Variants in UCK2 observed in about 807,000 individuals in gnomAD.
UCK2 encodes cytidine monophosphokinase 2.
Under a neutral mutation model 30.8 loss-of-function variants are expected in UCK2, and 6 were observed. That is an observed-to-expected ratio of 0.19 (90% CI 0.11 to 0.38). The LOEUF is 0.38. Among genes scored for constraint, UCK2 ranks in the 10% least tolerant of loss-of-function variants. The probability of loss-of-function intolerance (pLI) is 1.00; values close to 1 mark genes in which losing one functional copy is unlikely to be tolerated. For missense variants in UCK2, 210 were observed against 339.8 expected, an observed-to-expected ratio of 0.62 and a Z score of 3.00; for synonymous variants, 125 against 133.6, an observed-to-expected ratio of 0.94 and a Z score of 0.45.
At chr1:165,851,181 G>C (rs1309031653) in intron 1 of UCK2, among the ~76,000 whole-genome samples, 4 of 152,218 alleles carry the variant, frequency 2.6e-5, no homozygotes. Context: ...AGTGCACCTG[G>C]GTGTGTCTGA....
At chr1:165,903,389 C>A in intron 5 of UCK2, 110 bp downstream of exon 5, 1 of 873,882 alleles carries the variant, frequency 1.1e-6, no homozygotes, top group Non-Finnish European at 1.8e-6. Context: ...TCACTCCTCT[C>A]TCTGAGTGAT....
intron 5 of UCK2, among the ~76,000 whole-genome samples, chr1:165,904,489 A>C (rs966973877): frequency 1.3e-5 from 2 of 152,344 alleles, no homozygotes; most frequent in Middle Eastern, 3.4e-3. Flanking sequence ...TTTTGACTTA[A>C]TAAGAACACA....
In UCK2 at chr1:165,860,472, G is replaced by A. The variant is rs547759648; in HGVS notation, c.100-29732G>A. On this transcript the variant is annotated intron_variant, in intron 1 of 6. Coordinates refer to ENST00000367879, the MANE Select transcript of UCK2 (RefSeq NM_012474.5). ...GAGACAGGGTCTCACTTTTTGAGAC[G>A]GGCCTCACTCCAGTTGCCCAGGCGG... Among the ~76,000 whole-genome samples the A allele has an allele frequency of 2.6e-5, 4 of 151,802 alleles. No homozygotes were observed. In the East Asian group the frequency reaches 5.8e-4, roughly 22 times the overall value.
chr1:165,863,219 C>G (rs115079374), intron 1 of UCK2, among the ~76,000 whole-genome samples: 1,554 of 152,252 alleles, frequency 0.01, 27 homozygotes, highest in African/African-American at 0.036. Flanking sequence ...GGAAAATTAG[C>G]AAGGCAAAAG....
chr1:165,849,602 A>C (rs536576035), intron 1 of UCK2, among the ~76,000 whole-genome samples: 9 of 152,324 alleles, frequency 5.9e-5, no homozygotes, highest in African/African-American at 2.2e-4. Flanking sequence ...AGTTTTACAC[A>C]ATGCCAGCTT....
intron 1 of UCK2, among the ~76,000 whole-genome samples, chr1:165,846,910 C>T (rs1006951109): frequency 2.0e-5 from 3 of 151,996 alleles, no homozygotes; most frequent in Non-Finnish European, 4.4e-5. Context: ...AGCCTGTATG[C>T]GGGGGCACCT....
Position 165,827,847 on chromosome 1 carries a change from G to C in UCK2, c.14G>C (p.Ser5Thr). MAGD[S>T]EQTLQNHQQP... Reference sequence around the variant, plus strand: ...GCGGCGCGAACCATGGCCGGGGACAGCGAGCAGACCCTGCAGAACCACCAG... The same window carrying C: ...GCGGCGCGAACCATGGCCGGGGACACCGAGCAGACCCTGCAGAACCACCAG... The change falls in exon 1 of 7, where the codon AGC (serine) becomes ACC (threonine). Residue 5 changes from serine to threonine, a missense_variant. Around this residue, in one of 4 missense-constraint regions of UCK2, gnomAD observed 50 missense variants for 41.0 expected, o/e 1.22. Coordinates refer to ENST00000367879, the MANE Select transcript of UCK2 (RefSeq NM_012474.5). 2 of 1,465,668 alleles carry C rather than the reference G, an allele frequency of 1.4e-6. No individual in the cohort carries two copies. Among genetic ancestry groups the C allele is most frequent in the Admixed American group, 2.3e-5 (1 of 43,788 alleles). 90.8% of individuals were successfully genotyped at this position (1,465,668 alleles called of 1,614,324 possible). A position where few individuals can be genotyped will look rare whatever the true frequency, so the allele number is the denominator to read the frequency against.
At chr1:165,858,460 T>A (rs760951769) in intron 1 of UCK2, among the ~76,000 whole-genome samples, 5 of 152,170 alleles carry the variant, frequency 3.3e-5, no homozygotes, top group Non-Finnish European at 7.3e-5. Flanking sequence ...CTCGATTTGC[T>A]GACAGGTGAA....
chr1:165,827,839 CG>C lies in UCK2; in HGVS notation c.10del (p.Asp4ThrfsTer20). On this transcript the variant is annotated frameshift_variant, in exon 1 of 7. Coordinates refer to ENST00000367879, the MANE Select transcript of UCK2 (RefSeq NM_012474.5). LOFTEE classifies it high-confidence loss of function. MA[G>X]DSEQTLQNHQ... is the part of the protein sequence containing the mutation. Reference sequence around the variant, plus strand: ...GAGGAGGGGCGGCGCGAACCATGGCCGGGGACAGCGAGCAGACCCTGCAGAA... The same window carrying C: ...GAGGAGGGGCGGCGCGAACCATGGCCGGGACAGCGAGCAGACCCTGCAGAA... 4 of 1,455,354 alleles carry C rather than the reference CG, an allele frequency of 2.7e-6. No individual in the cohort carries two copies. The highest frequency in any genetic ancestry group is 2.9e-5 in the South Asian group (2 of 69,330). The allele number at this position is 1,455,354 out of a possible 1,614,324, so 90.2% of individuals were successfully genotyped here.
chr1:165,833,674 G>T (rs1654112285), intron 1 of UCK2, among the ~76,000 whole-genome samples: 1 of 152,082 alleles, frequency 6.6e-6, no homozygotes, highest in Admixed American at 6.6e-5. Context: ...ATTGTCTTTG[G>T]GAATTTCACT....
intron 1 of UCK2, among the ~76,000 whole-genome samples, chr1:165,850,927 A>ATTT (rs61491030): frequency 4.5e-5 from 5 of 109,932 alleles, no homozygotes; most frequent in African/African-American, 1.0e-4. Context: ...TGGCCTTTAA[A>ATTT]TTTTTTTTTT....
At chr1:165,857,378 G>A (rs918459194) in intron 1 of UCK2, among the ~76,000 whole-genome samples, 6 of 152,212 alleles carry the variant, frequency 3.9e-5, no homozygotes, top group African/African-American at 1.4e-4. Context: ...GCATTGCAAA[G>A]ATGAGTAAGG....
At chr1:165,869,262 C>T (rs192657956) in intron 1 of UCK2, among the ~76,000 whole-genome samples, 1 of 152,230 alleles carries the variant, frequency 6.6e-6, no homozygotes, top group African/African-American at 2.4e-5. Context: ...CAACATGTGA[C>T]ACAGAGATAC....
intron 3 of UCK2, chr1:165,895,935 C>T (rs1044198887): frequency 6.1e-5 from 23 of 374,900 alleles, no homozygotes; most frequent in Non-Finnish European, 8.5e-5. Flanking sequence ...AGGATGTCTG[C>T]CGTGTATTTC....
chr1:165,854,366 A>G (rs534250236), intron 1 of UCK2, among the ~76,000 whole-genome samples: 2 of 152,232 alleles, frequency 1.3e-5, no homozygotes, highest in African/African-American at 4.8e-5. Flanking sequence ...TGCTCCTTGG[A>G]TATTAGTTAA....
chr1:165,906,798 C>T (rs1308658070), intron 6 of UCK2, among the ~76,000 whole-genome samples: 1 of 152,088 alleles, frequency 6.6e-6, no homozygotes, highest in Non-Finnish European at 1.5e-5. Context: ...TTTAATTTTC[C>T]CTCCATTTAA....
Position 165,872,531 on chromosome 1 carries a change from T to TA in UCK2, c.100-17667dup, listed in dbSNP as rs536029494. 9.2e-3 allele frequency among the ~76,000 whole-genome samples: 1,408 copies of TA among 152,280 alleles called. 22 individuals carry two copies. Among genetic ancestry groups the TA allele is most frequent in the South Asian group, 0.028 (136 of 4,826 alleles). ...TAGCTGGGCATATATATGGAAATTTTAAAAAATGCAGATTCTTTGCCCTAG... is the reference window on the plus strand; with the variant it reads ...TAGCTGGGCATATATATGGAAATTTTAAAAAAATGCAGATTCTTTGCCCTAG... On this transcript the variant is annotated intron_variant, in intron 1 of 6. Transcript: ENST00000367879.
At chr1:165,893,157 A>AC (rs1382764819) in intron 3 of UCK2, among the ~76,000 whole-genome samples, 2 of 152,192 alleles carry the variant, frequency 1.3e-5, no homozygotes, top group African/African-American at 4.8e-5. Flanking sequence ...AAGCAGTGGA[A>AC]CTGAGCATGG....
intron 1 of UCK2, among the ~76,000 whole-genome samples, chr1:165,844,525 A>T (rs1654401073): frequency 6.6e-6 from 1 of 152,212 alleles, no homozygotes; most frequent in South Asian, 2.1e-4. Flanking sequence ...TAAATCCCTT[A>T]GAATTTCCCA....
Sources: gnomAD v4.1 joint callset for allele counts (sites outside exome capture counted in the v4.1 genomes callset) on GRCh38, gnomAD v4.1.1 for gene constraint, gnomAD v4.1.1 regional missense constraint, MANE v1.5 for transcripts, NCBI Gene and HGNC (gene_info 2026-07-23, HGNC 2026-07-21) for gene names.